The following CEP63 variants were observed in gnomAD, a reference collection of about 807,000 sequenced individuals.
The protein encoded by CEP63 is centrosomal protein of 63 kDa.
Under a neutral mutation model 89.1 loss-of-function variants are expected in CEP63, and 84 were observed. That is an observed-to-expected ratio of 0.94 (90% CI 0.79 to 1.13). The LOEUF (loss-of-function observed/expected upper bound fraction) is 1.13. CEP63 is among the 50% of genes most tolerant of loss of function. The pLI is 0.00. For synonymous variants in CEP63, 267 were observed against 272.5 expected (o/e 0.98, Z 0.20); for missense variants, 838 against 813.3 (o/e 1.03, Z -0.37).
At chr3:134,569,356 G>A (rs931718919), downstream of CEP63, among the ~76,000 whole-genome samples, 1 of 152,224 alleles carries the variant, frequency 6.6e-6, no homozygotes, top group Non-Finnish European at 1.5e-5. Flanking sequence ...TCGAAAGTGA[G>A]TTAATTACTT....
At chr3:134,625,088 G>A in the CEP63 span, 1 of 1,602,704 alleles carries the variant, frequency 6.2e-7, no homozygotes, top group East Asian at 2.2e-5. Context: ...TCAAACTGCT[G>A]CAGGTCCAGG....
the CEP63 span, among the ~76,000 whole-genome samples, chr3:134,756,215 A>G: frequency 6.6e-6 from 1 of 152,226 alleles, no homozygotes; most frequent in Admixed American, 6.5e-5. Context: ...TCAGGTTAAG[A>G]TTGGAGACAA....
the CEP63 span, among the ~76,000 whole-genome samples, chr3:134,621,147 G>A: frequency 2.1e-4 from 32 of 152,306 alleles, no homozygotes; most frequent in African/African-American, 6.5e-4. Context: ...GCCCCTGGTC[G>A]TGGTCAATAC....
intron 3 of CEP63, among the ~76,000 whole-genome samples, chr3:134,520,069 G>A (rs1022757482): frequency 6.6e-6 from 1 of 152,120 alleles, no homozygotes; most frequent in Non-Finnish European, 1.5e-5. Context: ...TGTTATTGTA[G>A]TGGAGGTGTA....
the CEP63 span, among the ~76,000 whole-genome samples, chr3:134,752,831 G>C: frequency 2.0e-5 from 3 of 152,060 alleles, no homozygotes; most frequent in Non-Finnish European, 2.9e-5. Context: ...TGGCCACACT[G>C]GACCCTGAAC....
At chr3:134,487,298 T>C (rs1177830300) in intron 1 of CEP63, among the ~76,000 whole-genome samples, 4 of 152,232 alleles carry the variant, frequency 2.6e-5, no homozygotes, top group African/African-American at 9.6e-5. Context: ...GTTTGCTTTT[T>C]GACTGTGGCA....
chr3:134,540,209 A>G (rs1447170028), intron 6 of CEP63, among the ~76,000 whole-genome samples: 1 of 152,214 alleles, frequency 6.6e-6, no homozygotes, highest in African/African-American at 2.4e-5. Flanking sequence ...TATGCTAAGC[A>G]CGTCACAGCT....
the CEP63 span, among the ~76,000 whole-genome samples, chr3:134,685,862 C>T: frequency 6.6e-6 from 1 of 152,354 alleles, no homozygotes; most frequent in East Asian, 1.9e-4. Context: ...AAATGGGCTT[C>T]AGTGCCCTCC....
At chr3:134,675,411 G>T in the CEP63 span, among the ~76,000 whole-genome samples, 1 of 152,126 alleles carries the variant, frequency 6.6e-6, no homozygotes, top group Non-Finnish European at 1.5e-5. Flanking sequence ...AAATGTAAAA[G>T]TTAAAACTAT....
At chr3:134,568,433 G>A (rs1243145937), downstream of CEP63, among the ~76,000 whole-genome samples, 4 of 152,202 alleles carry the variant, frequency 2.6e-5, no homozygotes, top group African/African-American at 9.7e-5. Context: ...AGCATGCACT[G>A]CAACCCTGCA....
chr3:134,579,157 A>G (rs79597368), downstream of CEP63, among the ~76,000 whole-genome samples: 45 of 152,374 alleles, frequency 3.0e-4, no homozygotes, highest in East Asian at 6.2e-3. Context: ...AACAACACAT[A>G]GTGTGATTTC....
At chr3:134,496,812 A>G (rs1940230759) in intron 2 of CEP63, among the ~76,000 whole-genome samples, 1 of 152,194 alleles carries the variant, frequency 6.6e-6, no homozygotes, top group South Asian at 2.1e-4. Context: ...GCTATATACA[A>G]TATGGTAGTT....
At chr3:134,734,385 T>G in the CEP63 span, among the ~76,000 whole-genome samples, 2 of 152,228 alleles carry the variant, frequency 1.3e-5, no homozygotes, top group African/African-American at 2.4e-5. Context: ...AAAGGTTGTA[T>G]GATTGGTTCT....
At chr3:134,689,542 C>T in the CEP63 span, among the ~76,000 whole-genome samples, 1 of 152,074 alleles carries the variant, frequency 6.6e-6, no homozygotes, top group African/African-American at 2.4e-5. Flanking sequence ...ACCTCTGCCT[C>T]CTGAGTTCAA....
At chr3:134,530,853 A>T (rs1949726431) in intron 3 of CEP63, among the ~76,000 whole-genome samples, 1 of 152,198 alleles carries the variant, frequency 6.6e-6, no homozygotes, top group South Asian at 2.1e-4. Flanking sequence ...CTAGTACTTT[A>T]AAAAAATTTA....
chr3:134,693,736 G>A, the CEP63 span, among the ~76,000 whole-genome samples: 3 of 152,332 alleles, frequency 2.0e-5, no homozygotes, highest in African/African-American at 7.2e-5. Flanking sequence ...CAAACTCTTG[G>A]AAGCCTCATG....
downstream of CEP63, among the ~76,000 whole-genome samples, chr3:134,569,503 G>A (rs1957930495): frequency 6.6e-6 from 1 of 152,200 alleles, no homozygotes; most frequent in Admixed American, 6.5e-5. Flanking sequence ...GCTCCAAAAT[G>A]ATCTCTTTTG....
At chr3:134,676,829 A>G in the CEP63 span, among the ~76,000 whole-genome samples, 2 of 152,198 alleles carry the variant, frequency 1.3e-5, no homozygotes, top group African/African-American at 4.8e-5. Flanking sequence ...GCTTACCCCC[A>G]GAGGAACCTA....
chr3:134,776,423 T>A, the CEP63 span, among the ~76,000 whole-genome samples: 1 of 152,168 alleles, frequency 6.6e-6, no homozygotes, highest in African/African-American at 2.4e-5. Flanking sequence ...TCATATTAAG[T>A]CCTTGGGATC....
Sources: allele counts gnomAD v4.1 joint callset (sites outside exome capture counted in the v4.1 genomes callset), GRCh38; gene constraint gnomAD v4.1.1; transcripts MANE v1.5; gene names NCBI Gene and HGNC (gene_info 2026-07-23, HGNC 2026-07-21).